The following PAM variants were observed in gnomAD, a reference collection of about 807,000 sequenced individuals.
PAM encodes peptidylglycine alpha-amidating monooxygenase, also known as peptidyl-glycine alpha-amidating monooxygenase.
In PAM, 72 loss-of-function variants were observed where a neutral mutation model predicts 122.1. The observed-to-expected ratio is 0.59, with a 90% confidence interval of 0.49 to 0.72. The LOEUF (loss-of-function observed/expected upper bound fraction) is 0.72, where lower values mean the gene tolerates loss of function less well. Ranked by LOEUF, PAM falls within the 30% of genes least tolerant of loss-of-function variation. The pLI is 0.00. For missense variants in PAM, 1,106 were observed against 1,183.7 expected, an observed-to-expected ratio of 0.93 and a Z score of 0.96; for synonymous variants, 389 against 404.4, an observed-to-expected ratio of 0.96 and a Z score of 0.46.
intron 1 of PAM, among the ~76,000 whole-genome samples, chr5:102,792,748 T>C (rs1020045068): frequency 6.6e-6 from 1 of 152,198 alleles, no homozygotes; most frequent in African/African-American, 2.4e-5. Context: ...ATGATTACCA[T>C]TGGTTTTCTT....
intron 6 of PAM, among the ~76,000 whole-genome samples, chr5:102,926,014 C>CTA (rs1749345171): frequency 6.6e-6 from 1 of 151,900 alleles, no homozygotes; most frequent in African/African-American, 2.4e-5. Context: ...CCTAAGAGGT[C>CTA]TATTTCCTAT....
At chr5:102,793,731 T>A (rs1458475531) in intron 1 of PAM, among the ~76,000 whole-genome samples, 1 of 152,226 alleles carries the variant, frequency 6.6e-6, no homozygotes, top group Non-Finnish European at 1.5e-5. Flanking sequence ...AAAACACTTT[T>A]GAAAATATTA....
chr5:102,857,924 A>G (rs1322919311), intron 1 of PAM, among the ~76,000 whole-genome samples: 1 of 152,232 alleles, frequency 6.6e-6, no homozygotes, highest in Non-Finnish European at 1.5e-5. Context: ...TTTGTGTTGA[A>G]GAGTATGGAT....
At chr5:102,770,048 A>G (rs1755282987) in intron 1 of PAM, among the ~76,000 whole-genome samples, 2 of 151,982 alleles carry the variant, frequency 1.3e-5, no homozygotes, top group African/African-American at 4.8e-5. Flanking sequence ...TCAATATTTT[A>G]TAGTTTTCAT....
chr5:102,786,303 G>A (rs919462526), intron 1 of PAM, among the ~76,000 whole-genome samples: 7 of 152,126 alleles, frequency 4.6e-5, no homozygotes, highest in African/African-American at 1.7e-4. Flanking sequence ...TTCCTAATAT[G>A]CAAAATGGAG....
At chr5:102,938,511 C>G (rs888715855) in intron 7 of PAM, among the ~76,000 whole-genome samples, 7 of 152,076 alleles carry the variant, frequency 4.6e-5, no homozygotes, top group Non-Finnish European at 8.8e-5. Flanking sequence ...AAAAGAAAAG[C>G]TTTCCTACAT....
intron 3 of PAM, among the ~76,000 whole-genome samples, chr5:102,894,237 GAGA>G (rs976986388): frequency 4.2e-4 from 63 of 151,660 alleles, no homozygotes; most frequent in Admixed American, 4.1e-3. Context: ...GGGAGCCACA[GAGA>G]AGAAGAACTG....
rs183953803 is a variant in PAM, at chr5:102,988,389, G to T, written c.1484-1883G>T. On this transcript the variant is annotated intron_variant, in intron 15 of 25. Transcript: ENST00000438793. ...CTCTCCTATATTCCTGTACTACTTT[G>T]TGTCATAAGTATTGGGTTCCTGGGT... Among the ~76,000 whole-genome samples, 38 of 143,114 alleles carry T rather than the reference G, an allele frequency of 2.7e-4. 1 individual carries two copies. Among genetic ancestry groups the T allele is most frequent in the Admixed American group, 1.4e-3 (21 of 14,892 alleles). The allele number at this position is 143,114 out of a possible 152,430, so 93.9% of individuals were successfully genotyped here.
chr5:102,783,833 T>C (rs1759712111), intron 1 of PAM, among the ~76,000 whole-genome samples: 1 of 151,988 alleles, frequency 6.6e-6, no homozygotes, highest in Non-Finnish European at 1.5e-5. Context: ...GAAGACCTAA[T>C]TGTAGAACAC....
chr5:102,774,593 G>C (rs1756669196), intron 1 of PAM, among the ~76,000 whole-genome samples: 1 of 152,018 alleles, frequency 6.6e-6, no homozygotes, highest in South Asian at 2.1e-4. Context: ...CATAAGTATT[G>C]CTATTTCTTT....
At position 102,781,177 on chromosome 5, in the gene PAM, G is replaced by T. The variant is rs568762074; in HGVS notation, c.-374+25829G>T. Among the ~76,000 whole-genome samples, 4 of 152,234 alleles carry T rather than the reference G, an allele frequency of 2.6e-5. No homozygotes were observed. The South Asian group carries it at 8.3e-4, about 32-fold the overall frequency. On this transcript the variant is annotated intron_variant, in intron 1 of 25. Coordinates refer to ENST00000438793, the MANE Select transcript of PAM (RefSeq NM_001177306.2). ...TATTGCTAACATTTTTGGGCCAGGT[G>T]AAGCCAGTAAGAAAAGCTTTTAATA...
chr5:103,002,654 A>G (rs892563638), intron 16 of PAM, among the ~76,000 whole-genome samples: 2 of 152,214 alleles, frequency 1.3e-5, no homozygotes, highest in East Asian at 1.9e-4. Context: ...GAAAATGTCT[A>G]TTGAATGACT....
intron 1 of PAM, among the ~76,000 whole-genome samples, chr5:102,809,180 C>A (rs1048740044): frequency 2.6e-5 from 4 of 151,938 alleles, no homozygotes; most frequent in Admixed American, 2.6e-4. Flanking sequence ...TTTATTTCTT[C>A]TTCTTGATTC....
chr5:102,809,635 A>T (rs1034455085), intron 1 of PAM, among the ~76,000 whole-genome samples: 1 of 152,194 alleles, frequency 6.6e-6, no homozygotes, highest in African/African-American at 2.4e-5. Context: ...TGTATTTTTG[A>T]AGCCTTTTTA....
upstream of PAM, chr5:102,754,793 G>A (rs1025637893): frequency 6.6e-6 from 1 of 152,486 alleles, no homozygotes; most frequent in Non-Finnish European, 1.5e-5. Context: ...ATTTTCCTCT[G>A]CTTCTCTCAG....
intron 3 of PAM, among the ~76,000 whole-genome samples, chr5:102,884,551 A>G (rs959399994): frequency 1.3e-5 from 2 of 151,982 alleles, no homozygotes; most frequent in Admixed American, 6.6e-5. Context: ...TCTTTTCCAC[A>G]TTAGCAACAA....
intron 3 of PAM, among the ~76,000 whole-genome samples, chr5:102,900,381 T>C (rs201335038): frequency 6.6e-6 from 1 of 151,362 alleles, no homozygotes. Context: ...AAATGGCATA[T>C]ATAAAAGTAG....
intron 1 of PAM, among the ~76,000 whole-genome samples, chr5:102,779,964 C>T (rs455722): frequency 0.47 from 65,827 of 139,474 alleles, 16,270 homozygotes; most frequent in African/African-American, 0.59. Context: ...TCTGACCCTC[C>T]AGGGAATCCT....
rs760467926 is a variant in PAM, at chr5:102,974,228, G to T, written c.1275G>T (p.Glu425Asp). The T allele has an allele frequency of 1.2e-6, 2 of 1,614,016 alleles. No individual in the cohort carries two copies. The highest frequency in any genetic ancestry group is 4.5e-5 in the East Asian group (2 of 44,866). Residue 425 changes from glutamate (E) to aspartate (D), a missense_variant, in exon 15 of 26, where the codon GAG becomes GAT. This residue lies in a region of PAM where 670 missense variants were observed against 690.3 expected (regional missense o/e 0.97). Coordinates refer to ENST00000438793, the MANE Select transcript of PAM (RefSeq NM_001177306.2). The stretch of plus-strand genomic sequence containing the variant: ...AATCAGAGTCAGACCTGGTAGCTGA[G>T]ATTGCAAATGTAGTCCAAAAAAAGG... ...KAESESDLVA[E>D]IANVVQKKDL...
Sources: allele counts gnomAD v4.1 joint callset (sites outside exome capture counted in the v4.1 genomes callset), GRCh38; gene constraint gnomAD v4.1.1; regional missense constraint gnomAD v4.1.1; transcripts MANE v1.5; gene names NCBI Gene and HGNC (gene_info 2026-07-23, HGNC 2026-07-21).